The following CEP63 variants were observed in gnomAD, a reference collection of about 807,000 sequenced individuals.
The protein encoded by CEP63 is centrosomal protein of 63 kDa.
CEP63 carries 84 observed loss-of-function variants against 89.1 expected under a neutral mutation model. The ratio of observed to expected loss-of-function variants is 0.94; its 90% CI spans 0.79 to 1.13. CEP63 has a LOEUF of 1.13. CEP63 is among the 50% of genes most tolerant of loss of function. The pLI is 0.00. For missense variants in CEP63, 838 were observed against 813.3 expected, an observed-to-expected ratio of 1.03 and a Z score of -0.37; for synonymous variants, 267 against 272.5, an observed-to-expected ratio of 0.98 and a Z score of 0.20.
chr3:134,719,275 T>C, the CEP63 span, among the ~76,000 whole-genome samples: 2 of 152,116 alleles, frequency 1.3e-5, no homozygotes, highest in African/African-American at 4.8e-5. Flanking sequence ...AGTGCTAGGA[T>C]TACAGGTGTG....
the CEP63 span, among the ~76,000 whole-genome samples, chr3:134,602,827 T>A: frequency 0.62 from 94,508 of 152,014 alleles, 30,032 homozygotes; most frequent in East Asian, 0.87. Context: ...GCCGACAGTG[T>A]CCCTCCCACC....
intron 12 of CEP63, among the ~76,000 whole-genome samples, chr3:134,556,176 A>G (rs1956120647): frequency 6.6e-6 from 1 of 151,060 alleles, no homozygotes; most frequent in Non-Finnish European, 1.5e-5. Context: ...AAACCCTAGA[A>G]GAAAACCTAG....
chr3:134,769,035 C>A, the CEP63 span, among the ~76,000 whole-genome samples: 1 of 152,148 alleles, frequency 6.6e-6, no homozygotes, highest in Admixed American at 6.5e-5. Flanking sequence ...CTGAAGGAAC[C>A]GGTCAGGCCA....
intron 6 of CEP63, among the ~76,000 whole-genome samples, chr3:134,543,914 A>C (rs1952602713): frequency 6.6e-6 from 1 of 152,174 alleles, no homozygotes; most frequent in African/African-American, 2.4e-5. Context: ...AGTGAATCTA[A>C]ACCTAAATGT....
chr3:134,586,564 G>T (rs572884539), intron 10 of CEP63, among the ~76,000 whole-genome samples: 1 of 152,310 alleles, frequency 6.6e-6, no homozygotes, highest in Non-Finnish European at 1.5e-5. Context: ...GAGATCTGCT[G>T]TTAGTCTGAT....
chr3:134,537,438 C>G (rs550886442), intron 6 of CEP63, among the ~76,000 whole-genome samples, 170 bp downstream of exon 6: 6 of 152,252 alleles, frequency 3.9e-5, no homozygotes, highest in Non-Finnish European at 8.8e-5. Context: ...CTCCTTCTTC[C>G]CGCCTGCCCT....
the CEP63 span, among the ~76,000 whole-genome samples, chr3:134,763,235 T>A: frequency 6.6e-6 from 1 of 152,008 alleles, no homozygotes; most frequent in South Asian, 2.1e-4. Flanking sequence ...CCCCGCTCCC[T>A]CCACCCCACA....
chr3:134,674,382 T>TG, the CEP63 span, among the ~76,000 whole-genome samples: 2 of 152,102 alleles, frequency 1.3e-5, no homozygotes, highest in African/African-American at 2.4e-5. Context: ...TTTGACAAAA[T>TG]CTAACATTAT....
chr3:134,510,892 A>AC (rs932442419), intron 3 of CEP63: 136 of 201,334 alleles, frequency 6.8e-4, no homozygotes, highest in African/African-American at 2.2e-3. Flanking sequence ...GGCAGGCAGC[A>AC]CCCCCCCAAG....
chr3:134,556,293 G>T (rs1032469500), intron 12 of CEP63, among the ~76,000 whole-genome samples: 3 of 152,080 alleles, frequency 2.0e-5, no homozygotes, highest in Non-Finnish European at 2.9e-5. Context: ...TTAAACTAAA[G>T]AGCTTCTGTA....
intron 3 of CEP63, among the ~76,000 whole-genome samples, chr3:134,523,529 C>G (rs1414186992): frequency 6.6e-6 from 1 of 152,120 alleles, no homozygotes; most frequent in East Asian, 1.9e-4. Flanking sequence ...TTGGGCTTTA[C>G]ACTTAAGTCT....
At chr3:134,656,600 T>C in the CEP63 span, among the ~76,000 whole-genome samples, 6 of 152,070 alleles carry the variant, frequency 3.9e-5, no homozygotes, top group South Asian at 6.2e-4. Flanking sequence ...AGGGTGGTGA[T>C]GATAGGAAGA....
chr3:134,545,070 T>G (rs1186858498), intron 6 of CEP63, among the ~76,000 whole-genome samples: 2 of 152,140 alleles, frequency 1.3e-5, no homozygotes, highest in African/African-American at 4.8e-5. Flanking sequence ...CTCGGCTCAC[T>G]GCAACCTCCA....
the CEP63 span, among the ~76,000 whole-genome samples, chr3:134,758,529 C>A: frequency 6.6e-6 from 1 of 152,166 alleles, no homozygotes; most frequent in African/African-American, 2.4e-5. Context: ...GGGTGTTCTT[C>A]GGTTCACACA....
chr3:134,526,901 CTG>C lies in CEP63; in HGVS notation c.223-4939_223-4938del, dbSNP rs1948757177. Among the ~76,000 whole-genome samples, 4 of 139,602 alleles carry C rather than the reference CTG, an allele frequency of 2.9e-5. No homozygotes were observed. The South Asian group carries it at 9.4e-4, about 33-fold the overall frequency. 91.6% of individuals were successfully genotyped at this position (139,602 alleles called of 152,430 possible). A position where few individuals can be genotyped will look rare whatever the true frequency, so the allele number is the denominator to read the frequency against. ...CATTGCTCAGCCCCCAACTCCTAGACTGTGTGCTCTAACTCTGGGGGGGCTCG... is the reference window on the plus strand; with the variant it reads ...CATTGCTCAGCCCCCAACTCCTAGACTGTGCTCTAACTCTGGGGGGGCTCG... On this transcript the variant is annotated intron_variant, in intron 3 of 14. Coordinates refer to ENST00000675561, the MANE Select transcript of CEP63 (RefSeq NM_001353108.3).
In CEP63 at chr3:134,564,581, A is replaced by C; in HGVS notation, c.*3046A>C. ...TCCTAAGCAAATATTGGGTGGATGA[A>C]AATCACTACCATTCAAGGCTTCATT... On this transcript the variant is annotated 3_prime_UTR_variant, in exon 15 of 15. Coordinates refer to ENST00000675561, the MANE Select transcript of CEP63 (RefSeq NM_001353108.3). 2 of 985,474 alleles carry C rather than the reference A, an allele frequency of 2.0e-6. No individual in the cohort carries two copies. Among genetic ancestry groups the C allele is most frequent in the Non-Finnish European group, 2.4e-6 (2 of 829,938 alleles). The allele number at this position is 985,474 out of a possible 1,614,324, so 61.0% of individuals were successfully genotyped here.
downstream of CEP63, among the ~76,000 whole-genome samples, chr3:134,567,735 C>G (rs949677709): frequency 3.9e-5 from 6 of 152,196 alleles, no homozygotes; most frequent in African/African-American, 1.4e-4. Flanking sequence ...TCCTGCTCTT[C>G]CGGGTGGGAG....
At chr3:134,627,464 C>T in the CEP63 span, among the ~76,000 whole-genome samples, 1 of 152,182 alleles carries the variant, frequency 6.6e-6, no homozygotes, top group African/African-American at 2.4e-5. Flanking sequence ...TTAAAGTTAA[C>T]ATAATCCTGA....
At chr3:134,520,351 A>T (rs1363499505) in intron 3 of CEP63, among the ~76,000 whole-genome samples, 1 of 152,176 alleles carries the variant, frequency 6.6e-6, no homozygotes, top group Non-Finnish European at 1.5e-5. Flanking sequence ...AAATAGAGTA[A>T]ATCCAATGAA....
Sources: allele counts gnomAD v4.1 joint callset (sites outside exome capture counted in the v4.1 genomes callset), GRCh38; gene constraint gnomAD v4.1.1; transcripts MANE v1.5; gene names NCBI Gene and HGNC (gene_info 2026-07-23, HGNC 2026-07-21).